GPC5: variants seen among roughly 807,000 people sequenced by gnomAD.
The protein encoded by GPC5 is glypican-5.
GPC5 carries 47 observed loss-of-function variants against 53.9 expected under a neutral mutation model. The ratio of observed to expected loss-of-function variants is 0.87; its 90% CI spans 0.69 to 1.11. GPC5 has a LOEUF of 1.11. Among genes scored for constraint, GPC5 ranks in the 50% most tolerant of loss-of-function variants. The pLI is 0.00. For synonymous variants in GPC5, 286 were observed against 263.3 expected, an observed-to-expected ratio of 1.09 and a Z score of -0.84; for missense variants, 748 against 713.1, an observed-to-expected ratio of 1.05 and a Z score of -0.56.
chr13:92,289,100 A>C (rs892973532), intron 7 of GPC5, among the ~76,000 whole-genome samples: 2 of 147,268 alleles, frequency 1.4e-5, no homozygotes, highest in Non-Finnish European at 3.0e-5. Context: ...AAAAAAAAAA[A>C]GCCCTAATAA....
At chr13:92,815,475 G>A (rs1877438266) in intron 7 of GPC5, among the ~76,000 whole-genome samples, 1 of 151,956 alleles carries the variant, frequency 6.6e-6, no homozygotes, top group Admixed American at 6.6e-5. Context: ...GGAGAAAATT[G>A]TGAGGAAATC....
At chr13:91,971,776 TTGAG>T (rs1280475355) in intron 6 of GPC5, among the ~76,000 whole-genome samples, 4 of 152,210 alleles carry the variant, frequency 2.6e-5, no homozygotes, top group Non-Finnish European at 5.9e-5. Flanking sequence ...TTGAGCAGTT[TTGAG>T]TGAGTTTCTT....
chr13:92,050,377 C>T (rs1210859871), intron 6 of GPC5, among the ~76,000 whole-genome samples: 1 of 151,980 alleles, frequency 6.6e-6, no homozygotes, highest in Non-Finnish European at 1.5e-5. Context: ...CAGACCTTAC[C>T]TATCAAAGGG....
chr13:92,662,985 C>G (rs1886400618), intron 7 of GPC5, among the ~76,000 whole-genome samples: 1 of 152,184 alleles, frequency 6.6e-6, no homozygotes, highest in Non-Finnish European at 1.5e-5. Context: ...AAGAAAACCA[C>G]TTTTGTTAAG....
intron 1 of GPC5, among the ~76,000 whole-genome samples, chr13:91,427,859 C>T (rs371976434): frequency 5.9e-5 from 9 of 152,188 alleles, no homozygotes; most frequent in African/African-American, 1.9e-4. Flanking sequence ...ATGCTGTTCT[C>T]GTGATAGTGA....
chr13:92,438,429 G>A (rs1429089517), intron 7 of GPC5, among the ~76,000 whole-genome samples: 1 of 150,422 alleles, frequency 6.6e-6, no homozygotes, highest in Non-Finnish European at 1.5e-5. Context: ...TGCCTTGAAA[G>A]ATGGTCAGCT....
intron 3 of GPC5, among the ~76,000 whole-genome samples, chr13:91,725,610 A>T (rs1022393072): frequency 1.3e-5 from 2 of 152,340 alleles, no homozygotes; most frequent in Middle Eastern, 3.4e-3. Context: ...AAGATATCTT[A>T]TAAGTCTATG....
At chr13:92,664,620 T>A (rs1356727457) in intron 7 of GPC5, among the ~76,000 whole-genome samples, 2 of 152,242 alleles carry the variant, frequency 1.3e-5, no homozygotes, top group South Asian at 2.1e-4. Context: ...ATAACTTTTT[T>A]AAAAAAGTCA....
At chr13:91,443,735 G>T (rs1316914477) in intron 1 of GPC5, among the ~76,000 whole-genome samples, 4 of 152,058 alleles carry the variant, frequency 2.6e-5, no homozygotes, top group Non-Finnish European at 4.4e-5. Context: ...GTTGTTTTGG[G>T]GTCTTTTCAG....
At chr13:92,801,810 T>A (rs1000118714) in intron 7 of GPC5, among the ~76,000 whole-genome samples, 7 of 151,666 alleles carry the variant, frequency 4.6e-5, no homozygotes, top group Non-Finnish European at 8.8e-5. Flanking sequence ...ATAGAAAAAA[T>A]TTCATTGAAT....
At chr13:92,670,074 A>C (rs1249418243) in intron 7 of GPC5, among the ~76,000 whole-genome samples, 2 of 152,210 alleles carry the variant, frequency 1.3e-5, no homozygotes, top group Non-Finnish European at 2.9e-5. Context: ...TCCAGCGCCT[A>C]GCACAGTCCT....
At chr13:92,195,516 G>A (rs2042250878) in intron 7 of GPC5, among the ~76,000 whole-genome samples, 1 of 151,972 alleles carries the variant, frequency 6.6e-6, no homozygotes, top group African/African-American at 2.4e-5. Context: ...AATTTTTTTG[G>A]AGGCCAAATC....
chr13:91,904,118 T>C (rs947996028), intron 5 of GPC5, among the ~76,000 whole-genome samples: 1 of 150,660 alleles, frequency 6.6e-6, no homozygotes, highest in Non-Finnish European at 1.5e-5. Context: ...TTTGTTTTGC[T>C]TAGTTTTACT....
chr13:91,735,707 G>C (rs1417676585), intron 4 of GPC5, among the ~76,000 whole-genome samples: 1 of 151,004 alleles, frequency 6.6e-6, no homozygotes, highest in Non-Finnish European at 1.5e-5. Flanking sequence ...GATCATATTA[G>C]GTTTTCTGTG....
intron 7 of GPC5, among the ~76,000 whole-genome samples, chr13:92,583,577 G>A (rs1436836588): frequency 6.6e-6 from 1 of 152,216 alleles, no homozygotes; most frequent in East Asian, 1.9e-4. Flanking sequence ...TAGGCTAGAA[G>A]AGGAGTTTCT....
chr13:91,468,073 G>C (rs1325158217), intron 2 of GPC5, among the ~76,000 whole-genome samples: 1 of 152,156 alleles, frequency 6.6e-6, no homozygotes, highest in Non-Finnish European at 1.5e-5. Flanking sequence ...TTTGGCTTTA[G>C]TGAAAGAGAG....
rs148714012 is a variant in GPC5, at chr13:92,784,848, C to A, written c.1562-81434C>A. ...AGCTGATATTCTTGTAGACAGCAAG[C>A]CCCAAACCATTATTATCTAAACATT... On this transcript the variant is annotated intron_variant, in intron 7 of 7. Transcript: ENST00000377067. Among the ~76,000 whole-genome samples, 1,293 of 152,244 alleles carry A rather than the reference C, an allele frequency of 8.5e-3. 19 individuals carry two copies. The highest frequency in any genetic ancestry group is 0.03 in the African/African-American group (1,240 of 41,554).
chr13:91,785,219 A>G (rs958670994), intron 5 of GPC5, among the ~76,000 whole-genome samples: 2 of 152,206 alleles, frequency 1.3e-5, no homozygotes, highest in African/African-American at 4.8e-5. Flanking sequence ...CTAGGTTTTC[A>G]AAACCATGGC....
chr13:92,315,219 T>A (rs1407469850), intron 7 of GPC5, among the ~76,000 whole-genome samples: 1 of 152,168 alleles, frequency 6.6e-6, no homozygotes, highest in Admixed American at 6.5e-5. Context: ...CTCTGGGAAG[T>A]TCTGGAATAA....
Sources: allele counts gnomAD v4.1 joint callset (sites outside exome capture counted in the v4.1 genomes callset), GRCh38; gene constraint gnomAD v4.1.1; transcripts MANE v1.5; gene names NCBI Gene and HGNC (gene_info 2026-07-23, HGNC 2026-07-21).